Variants in PATE4 observed in about 807,000 individuals in gnomAD.
PATE4 encodes prostate and testis expressed 4, also known as prostate and testis expressed protein 4.
PATE4 carries 13 observed loss-of-function variants against 8.5 expected under a neutral mutation model. The observed-to-expected ratio is 1.53, with a 90% CI of 1.00 to 2.43. The LOEUF (loss-of-function observed/expected upper bound fraction) is 2.43. Ranked by LOEUF, PATE4 falls within the 30% of genes most tolerant of loss-of-function variation. The probability of loss-of-function intolerance (pLI) is 0.00; values close to 1 mark genes in which losing one functional copy is unlikely to be tolerated. For synonymous variants in PATE4, 47 were observed against 39.3 expected (o/e 1.20, Z -0.73); for missense variants, 127 against 115.5 (o/e 1.10, Z -0.46).
chr11:125,836,648 G>A (rs767471762), intron 1 of PATE4, among the ~76,000 whole-genome samples: 32 of 149,316 alleles, frequency 2.1e-4, no homozygotes, highest in Non-Finnish European at 4.0e-4. Flanking sequence ...TCTAAAATAC[G>A]TTAGTTCTTC....
At position 125,833,342 on chromosome 11, in the gene PATE4, C is replaced by T; in HGVS notation, c.-18C>T. 1 of 1,551,112 alleles carries T rather than the reference C, an allele frequency of 6.4e-7. No individual in the cohort carries two copies. The highest frequency in any genetic ancestry group is 8.7e-7 in the Non-Finnish European group (1 of 1,146,588). On this transcript the variant is annotated 5_prime_UTR_variant, in exon 1 of 3. Coordinates refer to ENST00000457514, the MANE Select transcript of PATE4 (RefSeq NM_001144874.1). ...ATACCTCACTCAGCACACCGTCTGT[C>T]ACCCAAACAAGCATCCAATGAGGAA...
intron 1 of PATE4, among the ~76,000 whole-genome samples, 188 bp from the exon 2 acceptor site, chr11:125,837,680 G>C (rs775445212): frequency 5.9e-5 from 9 of 152,212 alleles, no homozygotes; most frequent in Admixed American, 2.0e-4. Context: ...CACAGAGACT[G>C]TGTCTTATCT....
chr11:125,834,604 C>A (rs777963410), intron 1 of PATE4, among the ~76,000 whole-genome samples: 30 of 152,138 alleles, frequency 2.0e-4, no homozygotes, highest in Non-Finnish European at 3.8e-4. Context: ...GTTACATCTC[C>A]TCTGGTGGGC....
At chr11:125,835,326 G>A (rs1174096414) in intron 1 of PATE4, 1 of 152,114 alleles carries the variant, frequency 6.6e-6, no homozygotes, top group African/African-American at 2.4e-5. Context: ...GGAGCCGGAG[G>A]GTACAGCCCT....
At chr11:125,837,324 C>T (rs1943927735) in intron 1 of PATE4, among the ~76,000 whole-genome samples, 1 of 152,180 alleles carries the variant, frequency 6.6e-6, no homozygotes, top group Non-Finnish European at 1.5e-5. Flanking sequence ...AAGGCCAGAC[C>T]AAGCCAGATG....
rs10893435 is a variant in PATE4 at position 125,838,890 on chromosome 11, T to C, written c.*463T>C. The C allele has an allele frequency of 0.2, 31,084 of 152,946 alleles. 3,306 individuals carry two copies. Among genetic ancestry groups the C allele is most frequent in the East Asian group, 0.3 (1,534 of 5,176 alleles). 9.5% of individuals were successfully genotyped at this position (152,946 alleles called of 1,614,324 possible). ...AATAAGATGCAAGTAAAGGGAGATA[T>C]GACAAAGAAGAGGAAAAGATGATGT... On this transcript the variant is annotated 3_prime_UTR_variant, in exon 3 of 3. Transcript: ENST00000457514.
At chr11:125,838,174 G>A (rs1591478770) in intron 2 of PATE4, 132 bp from the exon 3 acceptor site, 13 of 1,141,262 alleles carry the variant, frequency 1.1e-5, no homozygotes, top group Non-Finnish European at 1.6e-5. Context: ...TTACGGTGGC[G>A]ATTGGGAACA....
chr11:125,836,445 C>A (rs1943920562), intron 1 of PATE4, among the ~76,000 whole-genome samples: 1 of 152,190 alleles, frequency 6.6e-6, no homozygotes, highest in Non-Finnish European at 1.5e-5. Context: ...CATAGCACAA[C>A]CCACTCCATT....
intron 1 of PATE4, chr11:125,835,328 T>G (rs1402365235): frequency 6.6e-6 from 1 of 152,106 alleles, no homozygotes; most frequent in Non-Finnish European, 1.5e-5. Flanking sequence ...AGCCGGAGGG[T>G]ACAGCCCTGA....
Position 125,837,918 on chromosome 11 carries a change from A to G in PATE4, c.109A>G (p.Met37Val). 1.3e-6 allele frequency: 2 copies of G among 1,551,642 alleles called. No homozygotes were observed. The highest frequency in any genetic ancestry group is 1.7e-6 in the Non-Finnish European group (2 of 1,146,928). Residue 37 changes from methionine to valine, a missense_variant, in exon 2 of 3, where the codon ATG becomes GTG. Met to Val is a conservative substitution (Grantham distance 21). Coordinates refer to ENST00000457514, the MANE Select transcript of PATE4 (RefSeq NM_001144874.1). ...CATATACACAGAAGGATGGAAGTGT[A>G]TGGCAGGCCGAGGCACTTGCATTGC... is the stretch of plus-strand genomic sequence containing the variant. ...TCIYTEGWKC[M>V]AGRGTCIAKE...
chr11:125,837,897 T>C lies in PATE4; in HGVS notation c.88T>C (p.Tyr30His). Residue 30 changes from tyrosine to histidine, a missense_variant, in exon 2 of 3, where the codon TAC becomes CAC. Transcript: ENST00000457514. ...VMGLKCNTCI[Y>H]TEGWKCMAGR... The stretch of plus-strand genomic sequence containing the variant: ...GGGTCTGAAGTGTAATACCTGCATA[T>C]ACACAGAAGGATGGAAGTGTATGGC... The C allele has an allele frequency of 6.4e-7, 1 of 1,551,538 alleles. No homozygotes were observed. The highest frequency in any genetic ancestry group is 8.7e-7 in the Non-Finnish European group (1 of 1,146,886).
chr11:125,838,045 C>G, intron 2 of PATE4, 61 bp downstream of exon 2: 1 of 1,303,590 alleles, frequency 7.7e-7, no homozygotes, highest in Non-Finnish European at 1.1e-6. Flanking sequence ...CTTGCTAGTG[C>G]CTGGAATAAA....
chr11:125,838,075 T>C lies in PATE4; in HGVS notation c.175+91T>C. The C allele has an allele frequency of 2.7e-6, 3 of 1,114,772 alleles. No homozygotes were observed. The Admixed American group carries it at 6.2e-5, about 23-fold the overall frequency. The allele number at this position is 1,114,772 out of a possible 1,614,324, so 69.1% of individuals were successfully genotyped here. ...AATAAAGAACTCGATATCATTTAGC[T>C]CTGCTAGGAGGTAAGGCAAGGAATA... On this transcript the variant is annotated intron_variant, in intron 2 of 2. Coordinates refer to ENST00000457514, the MANE Select transcript of PATE4 (RefSeq NM_001144874.1).
At position 125,837,508 on chromosome 11, in the gene PATE4, TA is replaced by T. The variant is rs1424382936; in HGVS notation, c.59-357del. 6.6e-5 allele frequency among the ~76,000 whole-genome samples: 10 copies of T among 152,332 alleles called. No individual in the cohort carries two copies. In the East Asian group the frequency reaches 1.9e-3, roughly 29 times the overall value. Reference sequence around the variant, plus strand: ...TCAAGAGCCAGCTCAAGTCTTTAGCTAAAGTATTCCCCTGCTTTTCCAGCCC... The same window carrying T: ...TCAAGAGCCAGCTCAAGTCTTTAGCTAAGTATTCCCCTGCTTTTCCAGCCC... On this transcript the variant is annotated intron_variant, in intron 1 of 2. Transcript: ENST00000457514.
intron 1 of PATE4, 91 bp from the exon 2 acceptor site, chr11:125,837,777 C>T (rs73621179): frequency 0.069 from 56,180 of 814,730 alleles, 2,592 homozygotes; most frequent in African/African-American, 0.18. Flanking sequence ...TGGACAGTAT[C>T]GTCAATATGC....
In PATE4 at chr11:125,833,381, C is replaced by T. The variant is rs1943899883; in HGVS notation, c.22C>T (p.Leu8Phe). The T allele has an allele frequency of 1.9e-6, 3 of 1,551,550 alleles. No individual in the cohort carries two copies. In the African/African-American group the frequency reaches 4.1e-5, roughly 21 times the overall value. The change falls in exon 1 of 3, where the codon CTC becomes TTC. Residue 8 changes from leucine (L) to phenylalanine (F), a missense_variant. Coordinates refer to ENST00000457514, the MANE Select transcript of PATE4 (RefSeq NM_001144874.1). MRKMNTL[L>F]LVSLSFLYLK... Reference sequence around the variant, plus strand: ...TCCAATGAGGAAAATGAACACACTGCTCCTTGTGAGCTTATCTTTTCTCTA... The same window carrying T: ...TCCAATGAGGAAAATGAACACACTGTTCCTTGTGAGCTTATCTTTTCTCTA...
chr11:125,837,274 C>G (rs574846094), intron 1 of PATE4, among the ~76,000 whole-genome samples: 2 of 152,318 alleles, frequency 1.3e-5, no homozygotes, highest in South Asian at 2.1e-4. Flanking sequence ...CAAATCACCT[C>G]TCTGTCTGCC....
intron 1 of PATE4, among the ~76,000 whole-genome samples, chr11:125,834,105 G>C (rs1450255964): frequency 6.6e-6 from 1 of 152,040 alleles, no homozygotes; most frequent in East Asian, 1.9e-4. Flanking sequence ...CACTTAGTAA[G>C]AAATAATAAA....
intron 1 of PATE4, 70 bp from the exon 2 acceptor site, chr11:125,837,798 T>G (rs1320708882): frequency 9.2e-7 from 1 of 1,084,018 alleles, no homozygotes. Flanking sequence ...AACCTCTTAC[T>G]GATGCTGAAA....
Sources: allele counts gnomAD v4.1 joint callset (sites outside exome capture counted in the v4.1 genomes callset), GRCh38; gene constraint gnomAD v4.1.1; transcripts MANE v1.5; gene names NCBI Gene and HGNC (gene_info 2026-07-23, HGNC 2026-07-21).